Variants in RPRD1B observed in about 807,000 individuals in gnomAD.
RPRD1B encodes regulation of nuclear pre-mRNA domain containing 1B.
A neutral mutation model predicts 41.5 loss-of-function variants in RPRD1B; 11 were observed. That is an observed-to-expected ratio of 0.27 (90% CI 0.17 to 0.44). The LOEUF is 0.44. RPRD1B is among the 20% of genes least tolerant of loss of function. The pLI is 1.00. For synonymous variants in RPRD1B, 158 were observed against 155.6 expected (o/e 1.02, Z -0.12); for missense variants, 248 against 389.9 (o/e 0.64, Z 3.06).
chr20:38,052,457 A>G (rs1196985611), intron 3 of RPRD1B, among the ~76,000 whole-genome samples: 1 of 152,156 alleles, frequency 6.6e-6, no homozygotes, highest in South Asian at 2.1e-4. Flanking sequence ...CTGTGCCTCA[A>G]ATGTTAGACC....
intron 3 of RPRD1B, among the ~76,000 whole-genome samples, chr20:38,056,080 G>A (rs899252536): frequency 1.3e-5 from 2 of 152,136 alleles, no homozygotes; most frequent in Non-Finnish European, 2.9e-5. Context: ...GTAATAGACA[G>A]AATCATTAAG....
chr20:38,042,001 A>G (rs1040751913), intron 2 of RPRD1B, among the ~76,000 whole-genome samples: 8 of 146,900 alleles, frequency 5.4e-5, no homozygotes, highest in African/African-American at 1.9e-4. Flanking sequence ...GCTGGGCAAC[A>G]TTATGGTCTG....
At chr20:38,038,485 G>GTTTTTT (rs2074027015) in intron 1 of RPRD1B, among the ~76,000 whole-genome samples, 1 of 83,120 alleles carries the variant, frequency 1.2e-5, no homozygotes, top group Admixed American at 1.1e-4. Context: ...GATTTTTTTT[G>GTTTTTT]TTTTGTTTTT....
intron 6 of RPRD1B, among the ~76,000 whole-genome samples, chr20:38,076,261 G>A (rs1049533734): frequency 1.3e-5 from 2 of 152,196 alleles, no homozygotes; most frequent in South Asian, 4.1e-4. Flanking sequence ...ATTGAAGCCA[G>A]TGGTCCTCCC....
chr20:38,051,942 G>T (rs1328442897), intron 3 of RPRD1B, among the ~76,000 whole-genome samples: 3 of 152,166 alleles, frequency 2.0e-5, no homozygotes, highest in South Asian at 2.1e-4. Flanking sequence ...GTAGAGATGG[G>T]GTTTCTCCAT....
At chr20:38,075,019 A>C (rs1050461690) in intron 6 of RPRD1B, among the ~76,000 whole-genome samples, 10 of 152,220 alleles carry the variant, frequency 6.6e-5, no homozygotes, top group African/African-American at 2.4e-4. Context: ...GTGGTTGGAT[A>C]GTCAATGATT....
In RPRD1B at chr20:38,064,862, T is replaced by C. The variant is rs552760041; in HGVS notation, c.656-1219T>C. Among the ~76,000 whole-genome samples the C allele has an allele frequency of 1.6e-3, 241 of 152,176 alleles. 1 individual carries two copies. The highest frequency in any genetic ancestry group is 0.014 in the South Asian group (68 of 4,812). ...TTAGACGGGCGTGGTGGCGGGGGCC[T>C]GTACTCCCAGCTACTCGGGAGGCTG... is the stretch of plus-strand genomic sequence containing the variant. On this transcript the variant is annotated intron_variant, in intron 5 of 6. Transcript: ENST00000373433.
chr20:38,050,299 C>T (rs1201251433), intron 3 of RPRD1B, among the ~76,000 whole-genome samples: 1 of 152,196 alleles, frequency 6.6e-6, no homozygotes, highest in Non-Finnish European at 1.5e-5. Flanking sequence ...TTTCAGACTG[C>T]AGGTCATTGT....
chr20:38,048,899 T>C (rs1283186353), intron 3 of RPRD1B, among the ~76,000 whole-genome samples: 1 of 152,238 alleles, frequency 6.6e-6, no homozygotes. Context: ...AATGTAGATG[T>C]GCTTTTGAAA....
intron 5 of RPRD1B, among the ~76,000 whole-genome samples, chr20:38,059,790 A>G (rs993111325): frequency 2.0e-5 from 3 of 152,208 alleles, no homozygotes; most frequent in Non-Finnish European, 2.9e-5. Context: ...TTAAAAACAT[A>G]GTACAAATTG....
At chr20:38,059,968 C>G (rs6013782) in intron 5 of RPRD1B, among the ~76,000 whole-genome samples, 38,309 of 152,024 alleles carry the variant, frequency 0.25, 6,214 homozygotes, top group African/African-American at 0.47. Context: ...TTTCAGGTGT[C>G]TGTTAGACAT....
Position 38,090,351 on chromosome 20 carries a change from C to T in RPRD1B, c.*476C>T, listed in dbSNP as rs989252172. 4.1e-6 allele frequency: 4 copies of T among 986,408 alleles called. No homozygotes were observed. The African/African-American group carries it at 7.0e-5, about 17-fold the overall frequency. The allele number at this position is 986,408 out of a possible 1,614,324, so 61.1% of individuals were successfully genotyped here. ...GTTGGCTTTCCCAGCTGCATCTGCC[C>T]CAAAAGGTTGTAGGCACAGCTGTCG... On this transcript the variant is annotated 3_prime_UTR_variant, in exon 7 of 7. Coordinates refer to ENST00000373433, the MANE Select transcript of RPRD1B (RefSeq NM_021215.4).
chr20:38,048,605 G>A, intron 3 of RPRD1B, 124 bp downstream of exon 3: 1 of 1,450,804 alleles, frequency 6.9e-7, no homozygotes, highest in Non-Finnish European at 9.1e-7. Context: ...AGAGACAGAT[G>A]ATCATGAATG....
At position 38,033,841 on chromosome 20, in the gene RPRD1B, TA is replaced by T; in HGVS notation, c.-102del. 4 of 1,173,662 alleles carry T rather than the reference TA, an allele frequency of 3.4e-6. No individual in the cohort carries two copies. The highest frequency in any genetic ancestry group is 4.7e-6 in the Non-Finnish European group (4 of 852,690). 72.7% of individuals were successfully genotyped at this position (1,173,662 alleles called of 1,614,324 possible). ...GCACCCCTGGCAGTCTGTCAGTCGG[TA>T]AAAAGTCCCGCAGCCTGTCAGGTGA... On this transcript the variant is annotated 5_prime_UTR_variant, in exon 1 of 7. Coordinates refer to ENST00000373433, the MANE Select transcript of RPRD1B (RefSeq NM_021215.4).
intron 3 of RPRD1B, among the ~76,000 whole-genome samples, chr20:38,052,978 C>T (rs2074203498): frequency 6.6e-6 from 1 of 151,894 alleles, no homozygotes; most frequent in African/African-American, 2.4e-5. Context: ...ACGAGGATTA[C>T]TTAAGGTTAG....
rs192902057 is a variant in RPRD1B at position 38,090,121 on chromosome 20, A to G, written c.*246A>G. 4 of 1,209,648 alleles carry G rather than the reference A, an allele frequency of 3.3e-6. No individual in the cohort carries two copies. Among genetic ancestry groups the G allele is most frequent in the Admixed American group, 3.9e-5 (1 of 25,708 alleles). The allele number at this position is 1,209,648 out of a possible 1,614,324, so 74.9% of individuals were successfully genotyped here. A position where few individuals can be genotyped will look rare whatever the true frequency, so the allele number is the denominator to read the frequency against. ...GACTACAGACTTTTTCTCCCACTTC[A>G]TATTTTCATGCCCCCCTGTTGGTTT... On this transcript the variant is annotated 3_prime_UTR_variant, in exon 7 of 7. Coordinates refer to ENST00000373433, the MANE Select transcript of RPRD1B (RefSeq NM_021215.4).
intron 6 of RPRD1B, among the ~76,000 whole-genome samples, chr20:38,084,463 G>A (rs764456535): frequency 2.0e-5 from 3 of 152,156 alleles, no homozygotes; most frequent in Non-Finnish European, 4.4e-5. Flanking sequence ...TTTCTTAGAT[G>A]TGTTGCTAGA....
rs1106772 is a variant in RPRD1B, at chr20:38,074,839, A to C, written c.831+8583A>C. 2.2e-3 allele frequency among the ~76,000 whole-genome samples: 339 copies of C among 152,326 alleles called. 6 individuals carry two copies. The East Asian group carries it at 0.053, about 24-fold the overall frequency. ...TATAAAGAATAAAATTAGTCTCATTACCCAGAGATAACTATTTTTAATTTT... is the reference window on the plus strand; with the variant it reads ...TATAAAGAATAAAATTAGTCTCATTCCCCAGAGATAACTATTTTTAATTTT... On this transcript the variant is annotated intron_variant, in intron 6 of 6. Coordinates refer to ENST00000373433, the MANE Select transcript of RPRD1B (RefSeq NM_021215.4).
intron 6 of RPRD1B, among the ~76,000 whole-genome samples, chr20:38,088,382 GAT>G (rs1278761409): frequency 1.3e-5 from 2 of 152,236 alleles, no homozygotes; most frequent in Non-Finnish European, 2.9e-5. Context: ...CTCACTTTCA[GAT>G]ATGGAAGAAG....
Sources: gnomAD v4.1 joint callset for allele counts (sites outside exome capture counted in the v4.1 genomes callset) on GRCh38, gnomAD v4.1.1 for gene constraint, MANE v1.5 for transcripts, NCBI Gene and HGNC (gene_info 2026-07-23, HGNC 2026-07-21) for gene names.